The following ZCCHC7 variants were observed in gnomAD, a reference collection of about 807,000 sequenced individuals.
The protein encoded by ZCCHC7 is zinc finger CCHC domain-containing protein 7.
A neutral mutation model predicts 52.0 loss-of-function variants in ZCCHC7; 35 were observed. The observed-to-expected ratio is 0.67, with a 90% CI of 0.51 to 0.89. ZCCHC7 has a LOEUF of 0.89. Ranked by LOEUF, ZCCHC7 falls within the 40% of genes least tolerant of loss-of-function variation. ZCCHC7 has a pLI of 0.00. For missense variants in ZCCHC7, 574 were observed against 649.1 expected (o/e 0.88, Z 1.26); for synonymous variants, 217 against 221.5 (o/e 0.98, Z 0.18).
At chr9:37,241,716 C>G (rs1825880758) in intron 2 of ZCCHC7, among the ~76,000 whole-genome samples, 1 of 151,774 alleles carries the variant, frequency 6.6e-6, no homozygotes, top group African/African-American at 2.4e-5. Flanking sequence ...AAATGGTAAC[C>G]TGCTTTCTAT....
chr9:37,189,595 C>T (rs182826445), intron 2 of ZCCHC7, among the ~76,000 whole-genome samples: 4 of 152,286 alleles, frequency 2.6e-5, no homozygotes, highest in Non-Finnish European at 1.5e-5. Flanking sequence ...ACCATGTTGA[C>T]CAGGCTGGTC....
At chr9:37,197,624 T>C (rs180754383) in intron 2 of ZCCHC7, among the ~76,000 whole-genome samples, 2 of 152,330 alleles carry the variant, frequency 1.3e-5, no homozygotes, top group East Asian at 1.9e-4. Flanking sequence ...TTCAGTTATT[T>C]GATCTAATGT....
At chr9:37,190,427 C>G (rs1019895981) in intron 2 of ZCCHC7, among the ~76,000 whole-genome samples, 35 of 152,196 alleles carry the variant, frequency 2.3e-4, no homozygotes, top group African/African-American at 8.0e-4. Flanking sequence ...ATTTCAGCTG[C>G]TTTGAGTCTA....
chr9:37,339,395 GAAC>G (rs1830824001), intron 6 of ZCCHC7, among the ~76,000 whole-genome samples: 1 of 152,166 alleles, frequency 6.6e-6, no homozygotes, highest in Admixed American at 6.5e-5. Flanking sequence ...GGAGGAAAGG[GAAC>G]AGTTTTTGGC....
chr9:37,151,265 C>T (rs561636255), intron 2 of ZCCHC7, among the ~76,000 whole-genome samples: 2 of 152,172 alleles, frequency 1.3e-5, no homozygotes, highest in South Asian at 2.1e-4. Flanking sequence ...CGTGCCCGAC[C>T]GATTTATCTA....
chr9:37,197,667 T>C (rs1249946361), intron 2 of ZCCHC7, among the ~76,000 whole-genome samples: 1 of 152,220 alleles, frequency 6.6e-6, no homozygotes, highest in East Asian at 1.9e-4. Flanking sequence ...TGTAAATGAA[T>C]GTCCTGGCTT....
chr9:37,302,084 A>G (rs2133694601), intron 2 of ZCCHC7, 104 bp from the exon 3 acceptor site: 1 of 895,416 alleles, frequency 1.1e-6, no homozygotes, highest in East Asian at 2.4e-5. Context: ...TTCTCAGTGT[A>G]CCTTTGGGGT....
intron 5 of ZCCHC7, among the ~76,000 whole-genome samples, chr9:37,312,131 C>T (rs1829628689): frequency 1.3e-5 from 2 of 152,142 alleles, no homozygotes; most frequent in African/African-American, 4.8e-5. Context: ...ATATGACTGG[C>T]CAGAAATAAG....
chr9:37,150,270 G>A (rs186796285), intron 2 of ZCCHC7, among the ~76,000 whole-genome samples: 7 of 152,290 alleles, frequency 4.6e-5, no homozygotes, highest in East Asian at 1.9e-4. Flanking sequence ...TGTTGAATCC[G>A]TAAGGTTTAA....
chr9:37,327,512 A>T, intron 5 of ZCCHC7: 1 of 354,170 alleles, frequency 2.8e-6, no homozygotes, highest in Non-Finnish European at 5.1e-6. Context: ...AGTTTAACTG[A>T]GTTATGGCTC....
chr9:37,218,777 C>G (rs2133249930), intron 2 of ZCCHC7, among the ~76,000 whole-genome samples: 1 of 152,204 alleles, frequency 6.6e-6, no homozygotes, highest in South Asian at 2.1e-4. Flanking sequence ...CCACTGCACT[C>G]CAGCCTGGGT....
chr9:37,149,594 A>G (rs1843597122), intron 2 of ZCCHC7, among the ~76,000 whole-genome samples: 1 of 152,176 alleles, frequency 6.6e-6, no homozygotes, highest in South Asian at 2.1e-4. Context: ...GATTACAGAG[A>G]GAAAATTAGG....
In ZCCHC7 at chr9:37,349,440, C is replaced by G; in HGVS notation, c.1071C>G (p.Gly357=). 6.2e-7 allele frequency: 1 copy of G among 1,613,868 alleles called. No individual in the cohort carries two copies. The highest frequency in any genetic ancestry group is 8.5e-7 in the Non-Finnish European group (1 of 1,179,872). The change falls in exon 7 of 9, where the codon GGC becomes GGG. Residue 357 remains glycine, a synonymous_variant. Coordinates refer to ENST00000336755, the MANE Select transcript of ZCCHC7 (RefSeq NM_032226.3). ...LAYCYHCAQK[G]HYGHECPERE... ...ATTGCTATCACTGCGCGCAAAAAGG[C>G]CATTATGGACACGTAAGTTTGAGTG...
At chr9:37,271,665 G>A (rs1323141414) in intron 2 of ZCCHC7, among the ~76,000 whole-genome samples, 2 of 152,192 alleles carry the variant, frequency 1.3e-5, no homozygotes, top group African/African-American at 4.8e-5. Context: ...CGCCCTCCAG[G>A]TTCAAGCAAT....
chr9:37,288,941 C>A (rs58265246), intron 2 of ZCCHC7, among the ~76,000 whole-genome samples: 20,640 of 152,112 alleles, frequency 0.14, 1,705 homozygotes, highest in Non-Finnish European at 0.17. Context: ...AGATCTGTCT[C>A]TGAAACTTAA....
intron 6 of ZCCHC7, 84 bp downstream of exon 6, chr9:37,327,918 G>T: frequency 7.2e-7 from 1 of 1,384,812 alleles, no homozygotes; most frequent in South Asian, 1.2e-5. Flanking sequence ...ATATAGACAA[G>T]CATCTTCTGC....
At chr9:37,137,592 TG>T (rs1156949774) in intron 2 of ZCCHC7, among the ~76,000 whole-genome samples, 3 of 152,238 alleles carry the variant, frequency 2.0e-5, no homozygotes, top group Non-Finnish European at 1.5e-5. Context: ...CCCTGTTTTT[TG>T]CGTACATACC....
chr9:37,222,585 T>G (rs1824882720), intron 2 of ZCCHC7, among the ~76,000 whole-genome samples: 1 of 152,154 alleles, frequency 6.6e-6, no homozygotes, highest in Non-Finnish European at 1.5e-5. Flanking sequence ...TGAATTATTT[T>G]ATATTTCAAG....
At chr9:37,240,668 G>A (rs1588535521) in intron 2 of ZCCHC7, among the ~76,000 whole-genome samples, 1 of 151,848 alleles carries the variant, frequency 6.6e-6, no homozygotes, top group South Asian at 2.1e-4. Context: ...AAATCTGACC[G>A]CATTTCATCC....
Sources: gnomAD v4.1 joint callset for allele counts (sites outside exome capture counted in the v4.1 genomes callset) on GRCh38, gnomAD v4.1.1 for gene constraint, MANE v1.5 for transcripts, NCBI Gene and HGNC (gene_info 2026-07-23, HGNC 2026-07-21) for gene names.